The following PANK1 variants were observed in gnomAD, a reference collection of about 807,000 sequenced individuals.
PANK1 encodes pantothenic acid kinase 1.
PANK1 carries 18 observed loss-of-function variants against 40.1 expected under a neutral mutation model. The observed-to-expected ratio is 0.45, with a 90% CI of 0.31 to 0.67. The LOEUF is 0.67. Ranked by LOEUF, PANK1 falls within the 30% of genes least tolerant of loss-of-function variation. PANK1 has a pLI of 0.06. For missense variants in PANK1, 457 were observed against 599.6 expected, an observed-to-expected ratio of 0.76 and a Z score of 2.48; for synonymous variants, 242 against 237.7, an observed-to-expected ratio of 1.02 and a Z score of -0.17.
chr10:89,645,224 C>T lies in PANK1; in HGVS notation c.-333G>A, dbSNP rs1589829598. 6.3e-7 allele frequency: 1 copy of T among 1,599,500 alleles called. No homozygotes were observed. Among genetic ancestry groups the T allele is most frequent in the Non-Finnish European group, 8.5e-7 (1 of 1,173,834 alleles). On this transcript the variant is annotated 5_prime_UTR_variant, in exon 1 of 7. Coordinates refer to ENST00000307534, the MANE Select transcript of PANK1 (RefSeq NM_148977.3). Reference sequence around the variant, plus strand: ...CCAGGCCGCGCGACTTCAAACGCGGCTTCCTCGCCTCCCAGACTGGTCCCC... The same window carrying T: ...CCAGGCCGCGCGACTTCAAACGCGGTTTCCTCGCCTCCCAGACTGGTCCCC...
chr10:89,637,016 C>G (rs1012947743), intron 1 of PANK1, among the ~76,000 whole-genome samples: 2 of 151,090 alleles, frequency 1.3e-5, no homozygotes, highest in Admixed American at 6.6e-5. Context: ...CGCCCGCCAC[C>G]ACGCCTGGCT....
At chr10:89,607,492 C>T (rs906393122) in intron 2 of PANK1, among the ~76,000 whole-genome samples, 19 of 152,244 alleles carry the variant, frequency 1.2e-4, no homozygotes, top group African/African-American at 4.3e-4. Context: ...ACATGTGACA[C>T]AGAGAAATGT....
Position 89,595,832 on chromosome 10 carries a change from AAATATATATATATAT to A in PANK1, c.900-1858_900-1844del, listed in dbSNP as rs1287511994. On this transcript the variant is annotated intron_variant, in intron 3 of 6. Transcript: ENST00000307534. ...ACTCCATCTTAAAAAAAAAAAAAAA[AAATATATATATATAT>A]ATATATATATATATATATATATATA... Among the ~76,000 whole-genome samples the A allele has an allele frequency of 4.2e-3, 237 of 56,554 alleles. 5 individuals carry two copies. Among genetic ancestry groups the A allele is most frequent in the African/African-American group, 0.024 (231 of 9,762 alleles). The allele number at this position is 56,554 out of a possible 152,430, so 37.1% of individuals were successfully genotyped here.
intron 1 of PANK1, among the ~76,000 whole-genome samples, chr10:89,616,054 C>T (rs1423506233): frequency 1.3e-5 from 2 of 152,172 alleles, no homozygotes; most frequent in African/African-American, 4.8e-5. Flanking sequence ...TGTATTCACC[C>T]CTTACTCCTC....
chr10:89,588,089 G>T (rs1844258882), intron 6 of PANK1, among the ~76,000 whole-genome samples: 4 of 151,956 alleles, frequency 2.6e-5, no homozygotes, highest in Admixed American at 6.5e-5. Flanking sequence ...GTCTTTCTGT[G>T]CCTGGCTTAT....
intron 5 of PANK1, among the ~76,000 whole-genome samples, chr10:89,589,385 T>C (rs938233379): frequency 2.6e-5 from 4 of 152,208 alleles, no homozygotes; most frequent in African/African-American, 4.8e-5. Context: ...ATTCTGAACA[T>C]ACACTTATGA....
Position 89,593,901 on chromosome 10 carries a change from C to A in PANK1, c.988G>T (p.Asp330Tyr). The A allele has an allele frequency of 6.2e-7, 1 of 1,613,564 alleles. No individual in the cohort carries two copies. Among genetic ancestry groups the A allele is most frequent in the South Asian group, 1.1e-5 (1 of 91,068 alleles). Residue 330 changes from aspartate (D) to tyrosine (Y), a missense_variant, in exon 4 of 7, where the codon GAC (aspartate) becomes TAC (tyrosine). Physicochemically the swap from Asp to Tyr is radical, Grantham distance 160. Around this residue, in one of 4 missense-constraint regions of PANK1, gnomAD observed 286 missense variants for 415.8 expected, o/e 0.69. Transcript: ENST00000307534. Reference protein sequence around the residue: ...EEALEMAAKGDSTNVDKLVKD... With the variant: ...EEALEMAAKGYSTNVDKLVKD... ...ACCAGTTTATCAACATTGGTGCTGT[C>A]GCCTTTAGCTGCCATTTCCAGAGCT... is the stretch of plus-strand genomic sequence containing the variant.
chr10:89,592,371 A>G (rs1451752917), intron 5 of PANK1, among the ~76,000 whole-genome samples: 1 of 152,134 alleles, frequency 6.6e-6, no homozygotes, highest in Non-Finnish European at 1.5e-5. Context: ...ATAATGTTCT[A>G]TTTCTTGATC....
At chr10:89,628,443 T>C (rs549232059) in intron 1 of PANK1, among the ~76,000 whole-genome samples, 125 of 144,838 alleles carry the variant, frequency 8.6e-4, no homozygotes, top group African/African-American at 2.9e-3. Context: ...TCACGTATGA[T>C]ATGATTTCAC....
At chr10:89,621,220 G>A (rs1185455660) in intron 1 of PANK1, among the ~76,000 whole-genome samples, 1 of 151,934 alleles carries the variant, frequency 6.6e-6, no homozygotes, top group African/African-American at 2.4e-5. Flanking sequence ...AGAATTGCTT[G>A]AACCCGGGAG....
chr10:89,644,746 C>T lies in PANK1; in HGVS notation c.146G>A (p.Gly49Asp), dbSNP rs1309578843. The T allele has an allele frequency of 1.3e-5, 20 of 1,521,288 alleles. No individual in the cohort carries two copies. In the East Asian group the frequency reaches 4.7e-4, roughly 35 times the overall value. 94.2% of individuals were successfully genotyped at this position (1,521,288 alleles called of 1,614,324 possible). Reference sequence around the variant, plus strand: ...CGCCGCGTCGCTGCCGCCCACTGGACCCCGGCTGCAGACGTGCGGCGGCTG... The same window carrying T: ...CGCCGCGTCGCTGCCGCCCACTGGATCCCGGCTGCAGACGTGCGGCGGCTG... ...PVQPPHVCSRGPVGGSDAAPQ... is the reference protein window; with the variant it reads ...PVQPPHVCSRDPVGGSDAAPQ... The change falls in exon 1 of 7, where the codon GGT (glycine) becomes GAT (aspartate). Residue 49 changes from glycine to aspartate, a missense_variant. Transcript: ENST00000307534.
At chr10:89,629,587 G>A (rs572809516) in intron 1 of PANK1, among the ~76,000 whole-genome samples, 266 of 152,206 alleles carry the variant, frequency 1.7e-3, no homozygotes, top group African/African-American at 6.1e-3. Context: ...TAAAAGTGAC[G>A]TCTTATTTGC....
intron 1 of PANK1, among the ~76,000 whole-genome samples, chr10:89,619,238 A>C (rs1372171203): frequency 6.6e-6 from 1 of 152,218 alleles, no homozygotes; most frequent in African/African-American, 2.4e-5. Flanking sequence ...CTTTATTGGC[A>C]GTTGATGTTT....
intron 2 of PANK1, 103 bp downstream of exon 2, chr10:89,611,593 G>C: frequency 1.2e-6 from 1 of 805,848 alleles, no homozygotes; most frequent in East Asian, 2.6e-5. Flanking sequence ...ACATAAGCTT[G>C]TCCAGAGTCC....
At chr10:89,629,017 C>A (rs1841555548) in intron 1 of PANK1, among the ~76,000 whole-genome samples, 1 of 152,196 alleles carries the variant, frequency 6.6e-6, no homozygotes, top group South Asian at 2.1e-4. Context: ...ATATATCTAT[C>A]CAGAACCTGC....
chr10:89,643,787 A>G, intron 1 of PANK1: 1 of 1,610,100 alleles, frequency 6.2e-7, no homozygotes. Flanking sequence ...CCAGCTGTAA[A>G]CTCGACCTAC....
At chr10:89,620,777 C>A (rs1373994749) in intron 1 of PANK1, among the ~76,000 whole-genome samples, 1 of 152,162 alleles carries the variant, frequency 6.6e-6, no homozygotes, top group African/African-American at 2.4e-5. Flanking sequence ...GCTCAGGGGG[C>A]ATCACAGAAC....
At chr10:89,608,769 A>G (rs1452000448) in intron 2 of PANK1, among the ~76,000 whole-genome samples, 1 of 152,214 alleles carries the variant, frequency 6.6e-6, no homozygotes, top group Non-Finnish European at 1.5e-5. Context: ...CTTCTGTATG[A>G]TTTGTCAAAT....
downstream of PANK1, chr10:89,579,669 T>G (rs976245411): frequency 6.6e-6 from 1 of 152,200 alleles, no homozygotes; most frequent in Non-Finnish European, 1.5e-5. Flanking sequence ...CATGACTTAA[T>G]CATACTTGCA....
Sources: gnomAD v4.1 joint callset for allele counts (sites outside exome capture counted in the v4.1 genomes callset) on GRCh38, gnomAD v4.1.1 for gene constraint, gnomAD v4.1.1 regional missense constraint, MANE v1.5 for transcripts, NCBI Gene and HGNC (gene_info 2026-07-23, HGNC 2026-07-21) for gene names.